RBMS1: variants seen among roughly 807,000 people sequenced by gnomAD.
The protein encoded by RBMS1 is RNA-binding motif, single-stranded-interacting protein 1.
In RBMS1, 17 loss-of-function variants were observed where a neutral mutation model predicts 62.3. That is an observed-to-expected ratio of 0.27 (90% CI 0.19 to 0.41). The LOEUF (loss-of-function observed/expected upper bound fraction) is 0.41. Among genes scored for constraint, RBMS1 ranks in the 10% least tolerant of loss-of-function variants. RBMS1 has a pLI of 1.00. For missense variants in RBMS1, 334 were observed against 504.5 expected (o/e 0.66, Z 3.24); for synonymous variants, 172 against 170.0 (o/e 1.01, Z -0.09).
intron 1 of RBMS1, among the ~76,000 whole-genome samples, chr2:160,469,928 T>TA (rs1285320483): frequency 6.6e-6 from 1 of 152,208 alleles, no homozygotes; most frequent in Admixed American, 6.5e-5. Context: ...AGATTCTTAA[T>TA]AAAAAATGTC....
At chr2:160,390,688 CAAAAAAA>C (rs34478081) in intron 1 of RBMS1, among the ~76,000 whole-genome samples, 1 of 60,640 alleles carries the variant, frequency 1.6e-5, no homozygotes, top group African/African-American at 6.1e-5. Context: ...GACCCAGTCT[CAAAAAAA>C]AAAAAAAAAA....
intron 1 of RBMS1, among the ~76,000 whole-genome samples, chr2:160,385,939 G>A (rs1157145723): frequency 6.6e-6 from 1 of 152,146 alleles, no homozygotes; most frequent in Non-Finnish European, 1.5e-5. Flanking sequence ...GGAAACCTAG[G>A]AACCTGGCTT....
chr2:160,448,694 G>GCAGCCT (rs1683786573), intron 1 of RBMS1, among the ~76,000 whole-genome samples: 1 of 152,206 alleles, frequency 6.6e-6, no homozygotes, highest in Non-Finnish European at 1.5e-5. Context: ...TGCCGAGATT[G>GCAGCCT]CAGCCTCTGC....
chr2:160,442,248 C>T (rs934385372), intron 1 of RBMS1, among the ~76,000 whole-genome samples: 3 of 152,150 alleles, frequency 2.0e-5, no homozygotes, highest in African/African-American at 7.2e-5. Flanking sequence ...ATGACACTTC[C>T]ATGTCTTCTT....
intron 4 of RBMS1, among the ~76,000 whole-genome samples, chr2:160,311,195 CA>C (rs1343318731): frequency 2.8e-4 from 12 of 42,992 alleles, no homozygotes; most frequent in African/African-American, 3.4e-4. Context: ...ACCCTGTCTC[CA>C]AAAAAAAAAA....
intron 1 of RBMS1, among the ~76,000 whole-genome samples, chr2:160,417,641 G>T (rs2105263620): frequency 1.3e-5 from 2 of 152,292 alleles, no homozygotes; most frequent in South Asian, 4.1e-4. Flanking sequence ...GTAATTAAAA[G>T]ACACCATAAC....
chr2:160,368,732 C>T lies in RBMS1; in HGVS notation c.76-1341G>A, dbSNP rs1303957875. ...CGGCTCACCGGAACCCTCCACCTCC[C>T]GGTTTCCAGTGATTCTCTTGCCTCA... On this transcript the variant is annotated intron_variant, in intron 1 of 13. Coordinates refer to ENST00000348849, the MANE Select transcript of RBMS1 (RefSeq NM_016836.4). Among the ~76,000 whole-genome samples the T allele has an allele frequency of 4.6e-5, 7 of 152,136 alleles. No individual in the cohort carries two copies. In the South Asian group the frequency reaches 1.2e-3, roughly 27 times the overall value.
chr2:160,413,206 C>T (rs1696096439), intron 1 of RBMS1, among the ~76,000 whole-genome samples: 1 of 152,132 alleles, frequency 6.6e-6, no homozygotes, highest in Non-Finnish European at 1.5e-5. Flanking sequence ...CTATATCAGA[C>T]TGCAACCTTT....
intron 2 of RBMS1, among the ~76,000 whole-genome samples, chr2:160,353,392 C>A (rs1692627343): frequency 6.6e-6 from 1 of 152,104 alleles, no homozygotes; most frequent in Non-Finnish European, 1.5e-5. Flanking sequence ...CCAACATAAT[C>A]TAATTCAATG....
At chr2:160,415,556 C>A (rs946797124) in intron 1 of RBMS1, among the ~76,000 whole-genome samples, 32 of 152,220 alleles carry the variant, frequency 2.1e-4, no homozygotes, top group African/African-American at 7.5e-4. Context: ...TTAATTCAAA[C>A]CTGGAATGAC....
chr2:160,274,038 A>T lies in RBMS1; in HGVS notation c.*734T>A, dbSNP rs543221492. On this transcript the variant is annotated 3_prime_UTR_variant, in exon 14 of 14. Transcript: ENST00000348849. ...AAAATTTCAGCAACTTTTATTGACT[A>T]CCTTTTAAAAGCCCTATGCTGCTGT... 2 of 152,780 alleles carry T rather than the reference A, an allele frequency of 1.3e-5. No individual in the cohort carries two copies. Among genetic ancestry groups the T allele is most frequent in the East Asian group, 3.8e-4 (2 of 5,196 alleles). The allele number at this position is 152,780 out of a possible 1,614,324, so 9.5% of individuals were successfully genotyped here. A position where few individuals can be genotyped will look rare whatever the true frequency, so the allele number is the denominator to read the frequency against.
intron 13 of RBMS1, 29 bp downstream of exon 13, chr2:160,275,601 C>T: frequency 1.2e-6 from 2 of 1,608,520 alleles, no homozygotes; most frequent in South Asian, 1.1e-5. Flanking sequence ...GATTTGAGCC[C>T]CCCAGTTATG....
intron 2 of RBMS1, chr2:160,366,861 C>G (rs1693424863): frequency 5.7e-6 from 1 of 175,202 alleles, no homozygotes; most frequent in Non-Finnish European, 1.2e-5. Flanking sequence ...TAAAGTTCCT[C>G]TCATAGGATA....
chr2:160,438,227 A>G (rs1220178986), intron 1 of RBMS1, among the ~76,000 whole-genome samples: 2 of 151,952 alleles, frequency 1.3e-5, no homozygotes, highest in Non-Finnish European at 2.9e-5. Context: ...TTGTTTATGC[A>G]GACGAAAGGC....
chr2:160,398,662 G>A (rs1048147840), intron 1 of RBMS1, among the ~76,000 whole-genome samples: 2 of 152,170 alleles, frequency 1.3e-5, no homozygotes, highest in African/African-American at 4.8e-5. Flanking sequence ...TATTTTAATA[G>A]CAAAATAATA....
chr2:160,476,586 G>A (rs1162997140), intron 1 of RBMS1, among the ~76,000 whole-genome samples: 4 of 119,918 alleles, frequency 3.3e-5, no homozygotes, highest in Non-Finnish European at 6.5e-5. Context: ...ACAGAGTCTC[G>A]CTCTGTCGCC....
intron 2 of RBMS1, among the ~76,000 whole-genome samples, chr2:160,321,111 T>C (rs1690536230): frequency 6.6e-6 from 1 of 152,040 alleles, no homozygotes; most frequent in Non-Finnish European, 1.5e-5. Context: ...TTTCAACATT[T>C]AATGATGGGA....
At chr2:160,440,948 G>A (rs2105303197) in intron 1 of RBMS1, among the ~76,000 whole-genome samples, 1 of 152,304 alleles carries the variant, frequency 6.6e-6, no homozygotes, top group African/African-American at 2.4e-5. Context: ...CATGAGTTTT[G>A]ACAATTGTAT....
At chr2:160,459,369 G>A (rs1684372652) in intron 1 of RBMS1, among the ~76,000 whole-genome samples, 1 of 152,112 alleles carries the variant, frequency 6.6e-6, no homozygotes, top group Non-Finnish European at 1.5e-5. Flanking sequence ...CATTTAAAAT[G>A]CTTTTACTTG....
Sources: allele counts gnomAD v4.1 joint callset (sites outside exome capture counted in the v4.1 genomes callset), GRCh38; gene constraint gnomAD v4.1.1; transcripts MANE v1.5; gene names NCBI Gene and HGNC (gene_info 2026-07-23, HGNC 2026-07-21).